LCT: variants seen among roughly 807,000 people sequenced by gnomAD.
The protein encoded by LCT is lactase.
In LCT, 90 loss-of-function variants were observed where a neutral mutation model predicts 173.0. That is an observed-to-expected ratio of 0.52 (90% CI 0.44 to 0.62). LCT has a LOEUF of 0.62. Among genes scored for constraint, LCT ranks in the 20% least tolerant of loss-of-function variants. The probability of loss-of-function intolerance (pLI) is 0.00; values close to 1 mark genes in which losing one functional copy is unlikely to be tolerated. For synonymous variants in LCT, 853 were observed against 957.6 expected (o/e 0.89, Z 2.02); for missense variants, 1,864 against 2,431.4 (o/e 0.77, Z 4.91).
Position 135,812,940 on chromosome 2 carries a change from A to C in LCT, c.1724T>G (p.Leu575Arg). 1 of 1,614,196 alleles carries C rather than the reference A, an allele frequency of 6.2e-7. No individual in the cohort carries two copies. The highest frequency in any genetic ancestry group is 8.5e-7 in the Non-Finnish European group (1 of 1,180,030). Residue 575 changes from leucine (L) to arginine (R), a missense_variant, in exon 7 of 17, where the codon CTC becomes CGC. This residue lies in a region of LCT where 183 missense variants were observed against 293.1 expected (regional missense o/e 0.62). Transcript: ENST00000264162. ...VASFKVAHLV[L>R]KAHARTWHHY... ...GTGCCAAGTTCTGGCATGAGCCTTG[A>C]GGACCAAGTGAGCCACCTTGTGAAA...
At chr2:135,830,354 A>ACCATTCACATG (rs2077926574) in intron 2 of LCT, among the ~76,000 whole-genome samples, 1 of 151,590 alleles carries the variant, frequency 6.6e-6, no homozygotes, top group African/African-American at 2.4e-5. Context: ...AGATTCACAG[A>ACCATTCACATG]GTCTACACAG....
At chr2:135,799,316 C>T (rs879492605) in intron 12 of LCT, among the ~76,000 whole-genome samples, 1 of 152,034 alleles carries the variant, frequency 6.6e-6, no homozygotes, top group African/African-American at 2.4e-5. Context: ...GAAACCCTTG[C>T]CTTTCCTTCC....
chr2:135,823,432 A>G (rs1464125914), intron 4 of LCT, among the ~76,000 whole-genome samples: 1 of 152,176 alleles, frequency 6.6e-6, no homozygotes, highest in Non-Finnish European at 1.5e-5. Context: ...TGTGAGTCCT[A>G]CACTTGAAAG....
intron 6 of LCT, among the ~76,000 whole-genome samples, chr2:135,816,369 C>G (rs2077781333): frequency 6.6e-6 from 1 of 152,124 alleles, no homozygotes; most frequent in Non-Finnish European, 1.5e-5. Flanking sequence ...GGTATGCGAC[C>G]CACTGAGAGA....
At chr2:135,815,621 T>C (rs2077773905) in intron 6 of LCT, among the ~76,000 whole-genome samples, 1 of 152,106 alleles carries the variant, frequency 6.6e-6, no homozygotes, top group African/African-American at 2.4e-5. Flanking sequence ...CAAAAGGTTA[T>C]AACATGTCCA....
Position 135,800,538 on chromosome 2 carries a change from A to G in LCT, c.4866+69T>C, listed in dbSNP as rs139995954. 361 of 1,301,534 alleles carry G rather than the reference A, an allele frequency of 2.8e-4. 2 individuals carry two copies. The East Asian group carries it at 8.3e-3, about 30-fold the overall frequency. 80.6% of individuals were successfully genotyped at this position (1,301,534 alleles called of 1,614,324 possible). A position where few individuals can be genotyped will look rare whatever the true frequency, so the allele number is the denominator to read the frequency against. ...CCACACCCTAAATCTTTGATTCACA[A>G]TCTGTTTCCATTAGGCTGGAAGGAA... On this transcript the variant is annotated intron_variant, in intron 12 of 16. Coordinates refer to ENST00000264162, the MANE Select transcript of LCT (RefSeq NM_002299.4).
chr2:135,792,404 G>C (rs1335494599), intron 14 of LCT, among the ~76,000 whole-genome samples: 1 of 152,174 alleles, frequency 6.6e-6, no homozygotes, highest in Non-Finnish European at 1.5e-5. Context: ...GAATCTTGGG[G>C]GCAAACAAGA....
chr2:135,801,462 C>A (rs1372259490), intron 11 of LCT, among the ~76,000 whole-genome samples: 1 of 152,020 alleles, frequency 6.6e-6, no homozygotes, highest in Non-Finnish European at 1.5e-5. Flanking sequence ...CACCCATAAT[C>A]CCAGCACTTT....
intron 2 of LCT, among the ~76,000 whole-genome samples, chr2:135,832,696 G>A (rs986780558): frequency 1.1e-4 from 17 of 152,048 alleles, no homozygotes; most frequent in Admixed American, 1.0e-3. Context: ...TGTTGCCCAG[G>A]CTGGTCTCAA....
At position 135,809,077 on chromosome 2, in the gene LCT, T is replaced by G. The variant is rs868173713; in HGVS notation, c.3270A>C (p.Pro1090=). 1 of 1,613,968 alleles carries G rather than the reference T, an allele frequency of 6.2e-7. No individual in the cohort carries two copies. The highest frequency in any genetic ancestry group is 1.6e-4 in the Middle Eastern group (1 of 6,062). Reference sequence around the variant, plus strand: ...TGATGACGGCGTGGGCTATCCTATATGGTGCCCAGCCTGGGTCCTTCACCC... The same window carrying G: ...TGATGACGGCGTGGGCTATCCTATAGGGTGCCCAGCCTGGGTCCTTCACCC... The part of the protein sequence containing the change: ...PPGVKDPGWA[P]YRIAHAVIKA... The change falls in exon 8 of 17, where the codon CCA becomes CCC. Residue 1090 remains proline (P), a synonymous_variant. Transcript: ENST00000264162. The surrounding 1 kb of genome is among the most constrained non-coding windows in gnomAD (Gnocchi z 5.5).
At position 135,807,281 on chromosome 2, in the gene LCT, G is replaced by T. The variant is rs1248012475; in HGVS notation, c.4020C>A (p.Asn1340Lys). The T allele has an allele frequency of 3.1e-6, 5 of 1,614,206 alleles. No homozygotes were observed. In the South Asian group the frequency reaches 5.5e-5, roughly 18 times the overall value. ...VKFGLYHVDFNNTNRPRTARA... is the reference protein window; with the variant it reads ...VKFGLYHVDFKNTNRPRTARA... Reference sequence around the variant, plus strand: ...TTGCTGTGCGAGGCCTGTTCGTGTTGTTGAAATCAACATGGTACAGTCCAA... The same window carrying T: ...TTGCTGTGCGAGGCCTGTTCGTGTTTTTGAAATCAACATGGTACAGTCCAA... The change falls in exon 9 of 17, where the codon AAC becomes AAA. Residue 1340 changes from asparagine to lysine, a missense_variant. Asn to Lys is a moderately conservative substitution (Grantham distance 94). Transcript: ENST00000264162.
At chr2:135,798,865 G>T (rs1379653696) in intron 12 of LCT, among the ~76,000 whole-genome samples, 1 of 152,148 alleles carries the variant, frequency 6.6e-6, no homozygotes, top group African/African-American at 2.4e-5. Context: ...CCCTGGTAAA[G>T]AGGCTTAAAT....
intron 2 of LCT, 26 bp downstream of exon 2, chr2:135,833,085 C>G: frequency 6.5e-7 from 1 of 1,531,846 alleles, no homozygotes; most frequent in Admixed American, 1.7e-5. Context: ...TCAGATGTTA[C>G]AGGTATATTT....
At chr2:135,794,923 T>A in intron 13 of LCT, 148 bp from the exon 14 acceptor site, 3 of 846,934 alleles carry the variant, frequency 3.5e-6, no homozygotes, top group Non-Finnish European at 5.6e-6. Context: ...GAAGAGGTCC[T>A]TCAGGCGGTG....
At chr2:135,793,107 A>G (rs138679936) in intron 14 of LCT, among the ~76,000 whole-genome samples, 121 of 152,354 alleles carry the variant, frequency 7.9e-4, no homozygotes, top group African/African-American at 2.7e-3. Context: ...ATCCTGGCTA[A>G]CCAGAGGTCC....
chr2:135,823,244 C>T (rs1285632638), intron 4 of LCT, among the ~76,000 whole-genome samples: 1 of 152,210 alleles, frequency 6.6e-6, no homozygotes, highest in Non-Finnish European at 1.5e-5. Context: ...GCACATTCCT[C>T]TCTGCCCCTT....
At position 135,790,833 on chromosome 2, in the gene LCT, G is replaced by A. The variant is rs960294177; in HGVS notation, c.5160C>T (p.Phe1720=). ...AGCCAAAAGGCGTCATCTTCAGCCA[G>A]AAGGAGCCAGAGTCTGGCCACGAGC... is the stretch of plus-strand genomic sequence containing the variant. The part of the protein sequence containing the change: ...ADRSWPDSGS[F]WLKMTPFGFR... The change falls in exon 15 of 17, where the codon TTC becomes TTT. Residue 1720 remains phenylalanine, a synonymous_variant. Coordinates refer to ENST00000264162, the MANE Select transcript of LCT (RefSeq NM_002299.4). This position sits in a 1 kb window ranked among gnomAD's most constrained non-coding sequence, Gnocchi z 4.1. 6.2e-7 allele frequency: 1 copy of A among 1,614,074 alleles called. No homozygotes were observed. The highest frequency in any genetic ancestry group is 1.3e-5 in the African/African-American group (1 of 74,924).
intron 5 of LCT, chr2:135,821,715 C>G (rs1050305894): frequency 2.5e-6 from 1 of 400,858 alleles, no homozygotes; most frequent in African/African-American, 2.0e-5. Context: ...GTCTTGAACT[C>G]CTGGACTCAA....
At chr2:135,826,770 A>T (rs942271800) in intron 3 of LCT, among the ~76,000 whole-genome samples, 1 of 152,182 alleles carries the variant, frequency 6.6e-6, no homozygotes, top group African/African-American at 2.4e-5. Context: ...AGGCAGCTTT[A>T]GTCATCACAG....
Sources: gnomAD v4.1 joint callset for allele counts (sites outside exome capture counted in the v4.1 genomes callset) on GRCh38, gnomAD v4.1.1 for gene constraint, gnomAD v4.1.1 regional missense constraint, Gnocchi (gnomAD v3.1) non-coding constraint, MANE v1.5 for transcripts, NCBI Gene and HGNC (gene_info 2026-07-23, HGNC 2026-07-21) for gene names.